OR2AG2: variants seen among roughly 807,000 people sequenced by gnomAD.
OR2AG2 encodes the protein olfactory receptor family 2 subfamily AG member 2.
For synonymous variants in OR2AG2, 167 were observed against 157.1 expected (o/e 1.06, Z -0.47); for missense variants, 390 against 391.9 (o/e 1.00, Z 0.04).
rs139961717 is a variant in OR2AG2 at position 6,768,517 on chromosome 11, T to C, written c.441A>G (p.Thr147=). ...CAATCAGGGATGCCAGGATCCAGGA[T>C]GTGGCCACCATGATCCAGCAGACTC... ...SPRVCWIMVA[T]SWILASLIAI... is the part of the protein sequence containing the mutation. Residue 147 remains threonine (T), a synonymous_variant, in exon 2 of 2, where the codon ACA becomes ACG. Transcript: ENST00000641124. 103 of 1,614,072 alleles carry C rather than the reference T, an allele frequency of 6.4e-5. No homozygotes were observed. In the African/African-American group the frequency reaches 1.2e-3, roughly 19 times the overall value.
intron 1 of OR2AG2, among the ~76,000 whole-genome samples, chr11:6,771,293 G>T (rs902107197): frequency 2.6e-5 from 4 of 152,200 alleles, no homozygotes; most frequent in Non-Finnish European, 5.9e-5. Flanking sequence ...CTCCTTTGAG[G>T]TACTATTCAT....
Position 6,766,063 on chromosome 11 carries a change from A to G in OR2AG2, c.*1944T>C, listed in dbSNP as rs1847371201. On this transcript the variant is annotated 3_prime_UTR_variant, in exon 2 of 2. Transcript: ENST00000641124. ...GCTTTTTACTATTTATCCATATAGC[A>G]GCCAAAATGTTTTAAGCACAGTTTA... The G allele has an allele frequency of 6.6e-6, 1 of 152,184 alleles. No homozygotes were observed. Among genetic ancestry groups the G allele is most frequent in the Non-Finnish European group, 1.5e-5 (1 of 68,012 alleles). 9.4% of individuals were successfully genotyped at this position (152,184 alleles called of 1,614,324 possible). A position where few individuals can be genotyped will look rare whatever the true frequency, so the allele number is the denominator to read the frequency against.
At position 6,767,720 on chromosome 11, in the gene OR2AG2, ACAGAGTGAGTCTACAAC is replaced by A; in HGVS notation, c.*270_*286del. 3 of 393,768 alleles carry A rather than the reference ACAGAGTGAGTCTACAAC, an allele frequency of 7.6e-6. No individual in the cohort carries two copies. Among genetic ancestry groups the A allele is most frequent in the Non-Finnish European group, 1.4e-5 (3 of 220,910 alleles). 24.4% of individuals were successfully genotyped at this position (393,768 alleles called of 1,614,324 possible). On this transcript the variant is annotated 3_prime_UTR_variant, in exon 2 of 2. Coordinates refer to ENST00000641124, the MANE Select transcript of OR2AG2 (RefSeq NM_001004490.2). ...GTAATGTGTCAGGACGATGCCTACCACAGAGTGAGTCTACAACACCCATTCAAGGCTTTTCCCCCATC... is the reference window on the plus strand; with the variant it reads ...GTAATGTGTCAGGACGATGCCTACCAACCCATTCAAGGCTTTTCCCCCATC...
rs201965759 is a variant in OR2AG2, at chr11:6,768,141, T to A, written c.817A>T (p.Ile273Phe). 3.1e-6 allele frequency: 5 copies of A among 1,614,146 alleles called. No individual in the cohort carries two copies. The East Asian group carries it at 8.9e-5, about 29-fold the overall frequency. ...SSFHSPKQDN[I>F]ISVFYTIVTP... is the part of the protein sequence containing the mutation. The stretch of plus-strand genomic sequence containing the variant: ...ACAATTGTGTAGAAAACAGAGATGA[T>A]GTTGTCTTGTTTGGGGCTGTGGAAG... Residue 273 changes from isoleucine to phenylalanine, a missense_variant, in exon 2 of 2, where the codon ATC becomes TTC. Ile to Phe is a conservative substitution (Grantham distance 21). Transcript: ENST00000641124.
In OR2AG2 at chr11:6,767,782, G is replaced by T; in HGVS notation, c.*225C>A. On this transcript the variant is annotated 3_prime_UTR_variant, in exon 2 of 2. Coordinates refer to ENST00000641124, the MANE Select transcript of OR2AG2 (RefSeq NM_001004490.2). ...CCCATCTGGTTATTTTTATAACATG[G>T]GTTTCCAAAGTCAGGATGATGTGTG... 2.0e-6 allele frequency: 1 copy of T among 511,406 alleles called. No individual in the cohort carries two copies. The highest frequency in any genetic ancestry group is 3.1e-5 in the East Asian group (1 of 32,302). 31.7% of individuals were successfully genotyped at this position (511,406 alleles called of 1,614,324 possible). A position where few individuals can be genotyped will look rare whatever the true frequency, so the allele number is the denominator to read the frequency against.
chr11:6,768,772 C>G lies in OR2AG2; in HGVS notation c.186G>C (p.Leu62=), dbSNP rs756172574. 1.9e-6 allele frequency: 3 copies of G among 1,614,084 alleles called. No individual in the cohort carries two copies. The highest frequency in any genetic ancestry group is 1.7e-5 in the Admixed American group (1 of 60,026). ...EARLHMPMYL[L]LGQLSLMDLL... Reference sequence around the variant, plus strand: ...GGTCCATGAGAGAGAGCTGCCCAAGCAGGAGGTACATGGGCATGTGGAGCC... The same window carrying G: ...GGTCCATGAGAGAGAGCTGCCCAAGGAGGAGGTACATGGGCATGTGGAGCC... The change falls in exon 2 of 2, where the codon CTG becomes CTC. Residue 62 remains leucine (L), a synonymous_variant. Coordinates refer to ENST00000641124, the MANE Select transcript of OR2AG2 (RefSeq NM_001004490.2).
In OR2AG2 at chr11:6,768,838, G is replaced by T. The variant is rs753840847; in HGVS notation, c.120C>A (p.Thr40=). 12 of 1,613,960 alleles carry T rather than the reference G, an allele frequency of 7.4e-6. No homozygotes were observed. In the African/African-American group the frequency reaches 1.6e-4, roughly 22 times the overall value. ...TGGCCAGGAGCAGCAGACCATTGCT[G>T]GTCAGTGCCAACATGTATAGGATTG... ...TFTILYMLAL[T]SNGLLLLAIT... The change falls in exon 2 of 2, where the codon ACC becomes ACA. Residue 40 remains threonine (T), a synonymous_variant. Transcript: ENST00000641124.
rs767892900 is a variant in OR2AG2 at position 6,768,583 on chromosome 11, G to A, written c.375C>T (p.Ala125=). 1.2e-6 allele frequency: 2 copies of A among 1,614,136 alleles called. No individual in the cohort carries two copies. The highest frequency in any genetic ancestry group is 1.1e-5 in the South Asian group (1 of 91,082). The change falls in exon 2 of 2, where the codon GCC becomes GCT. Residue 125 remains alanine, a synonymous_variant. Transcript: ENST00000641124. Reference sequence around the variant, plus strand: ...TCATGTATTTCAGAGGATGACAAATGGCCACATACCTGTCATAGGCCATGA... The same window carrying A: ...TCATGTATTTCAGAGGATGACAAATAGCCACATACCTGTCATAGGCCATGA... ...LAFMAYDRYV[A]ICHPLKYMTL... is the part of the protein sequence containing the mutation.
chr11:6,769,577 A>G (rs1012519572), intron 1 of OR2AG2, 83 bp from the exon 2 acceptor site: 2 of 152,466 alleles, frequency 1.3e-5, no homozygotes, highest in African/African-American at 4.8e-5. Context: ...AACAGTACAA[A>G]AGGTGTTTGC....
At position 6,768,321 on chromosome 11, in the gene OR2AG2, C is replaced by T. The variant is rs1334168720; in HGVS notation, c.637G>A (p.Ala213Thr). The change falls in exon 2 of 2, where the codon GCC becomes ACC. Residue 213 changes from alanine (A) to threonine (T), a missense_variant. Physicochemically the swap from Ala to Thr is moderately conservative, Grantham distance 58 (BLOSUM62 0). Transcript: ENST00000641124. ...ACTAGTGTGTAGGAGGCCACAATGG[C>T]AGAAATGGGGAGCAAGAGGAAAGTC... ...GVTFLLLPISAIVASYTLVLF... is the reference protein window; with the variant it reads ...GVTFLLLPISTIVASYTLVLF... The T allele has an allele frequency of 6.2e-7, 1 of 1,613,790 alleles. No homozygotes were observed. Among genetic ancestry groups the T allele is most frequent in the African/African-American group, 1.3e-5 (1 of 74,882 alleles).
intron 1 of OR2AG2, among the ~76,000 whole-genome samples, chr11:6,769,859 G>T (rs1847430990): frequency 6.6e-6 from 1 of 152,188 alleles, no homozygotes; most frequent in South Asian, 2.1e-4. Flanking sequence ...TAGCTCTGCT[G>T]CTAGGGGTTG....
intron 1 of OR2AG2, among the ~76,000 whole-genome samples, chr11:6,770,790 T>C (rs1234141830): frequency 1.3e-5 from 2 of 152,220 alleles, no homozygotes; most frequent in Admixed American, 6.5e-5. Context: ...CACATTCTTC[T>C]AGCTTCCTGC....
Position 6,769,076 on chromosome 11 carries a change from A to C in OR2AG2, c.-119T>G, listed in dbSNP as rs1847417420. ...GTGCATTGGCCAATAGGAATCCCATAATATGATATATTTTCCATTTCTTAG... is the reference window on the plus strand; with the variant it reads ...GTGCATTGGCCAATAGGAATCCCATCATATGATATATTTTCCATTTCTTAG... On this transcript the variant is annotated 5_prime_UTR_variant, in exon 2 of 2. In the 5' UTR this introduces an upstream ATG that the reference lacks. Coordinates refer to ENST00000641124, the MANE Select transcript of OR2AG2 (RefSeq NM_001004490.2). The C allele has an allele frequency of 1.6e-6, 1 of 634,572 alleles. No individual in the cohort carries two copies. The highest frequency in any genetic ancestry group is 1.8e-5 in the African/African-American group (1 of 54,712). The allele number at this position is 634,572 out of a possible 1,614,324, so 39.3% of individuals were successfully genotyped here.
chr11:6,768,413 G>A lies in OR2AG2; in HGVS notation c.545C>T (p.Pro182Leu), dbSNP rs760796195. ...WEIRHLLCEI[P>L]PLLKLACADT... The stretch of plus-strand genomic sequence containing the variant: ...AGCACAGGCCAACTTCAGCAAGGGT[G>A]GGATCTCACAGAGCAGATGCCTGAT... Residue 182 changes from proline to leucine, a missense_variant, in exon 2 of 2, where the codon CCA becomes CTA. Physicochemically the swap from Pro to Leu is moderately conservative, Grantham distance 98. Coordinates refer to ENST00000641124, the MANE Select transcript of OR2AG2 (RefSeq NM_001004490.2). The A allele has an allele frequency of 1.2e-6, 2 of 1,614,008 alleles. No individual in the cohort carries two copies. Among genetic ancestry groups the A allele is most frequent in the East Asian group, 4.5e-5 (2 of 44,884 alleles).
chr11:6,766,034 A>G lies in OR2AG2; in HGVS notation c.*1973T>C, dbSNP rs1320087862. 6.6e-6 allele frequency: 1 copy of G among 152,110 alleles called. No individual in the cohort carries two copies. The highest frequency in any genetic ancestry group is 1.9e-4 in the East Asian group (1 of 5,206). 9.4% of individuals were successfully genotyped at this position (152,110 alleles called of 1,614,324 possible). A position where few individuals can be genotyped will look rare whatever the true frequency, so the allele number is the denominator to read the frequency against. The stretch of plus-strand genomic sequence containing the variant: ...GAAATAATAAAATAAGATTTTTTAA[A>G]AAGGCTTTTTACTATTTATCCATAT... On this transcript the variant is annotated 3_prime_UTR_variant, in exon 2 of 2. Coordinates refer to ENST00000641124, the MANE Select transcript of OR2AG2 (RefSeq NM_001004490.2).
intron 1 of OR2AG2, among the ~76,000 whole-genome samples, chr11:6,770,812 G>A (rs773370609): frequency 1.3e-5 from 2 of 152,316 alleles, no homozygotes; most frequent in Non-Finnish European, 2.9e-5. Flanking sequence ...CCAGATGTTT[G>A]GACAGGATTT....
In OR2AG2 at chr11:6,768,905, A is replaced by G; in HGVS notation, c.53T>C (p.Leu18Pro). Reference protein sequence around the residue: ...LGSGFILVGILNDSGSPELLY... With the variant: ...LGSGFILVGIPNDSGSPELLY... Reference sequence around the variant, plus strand: ...CAGTTCAGGAGACCCACTGTCATTCAGAATCCCCACCAAGATGAAGCCGCT... The same window carrying G: ...CAGTTCAGGAGACCCACTGTCATTCGGAATCCCCACCAAGATGAAGCCGCT... Residue 18 changes from leucine (L) to proline (P), a missense_variant, in exon 2 of 2, where the codon CTG (leucine) becomes CCG (proline). Leu to Pro is a moderately conservative substitution (Grantham distance 98). Coordinates refer to ENST00000641124, the MANE Select transcript of OR2AG2 (RefSeq NM_001004490.2). The G allele has an allele frequency of 6.2e-7, 1 of 1,613,442 alleles. No homozygotes were observed. Among genetic ancestry groups the G allele is most frequent in the Non-Finnish European group, 8.5e-7 (1 of 1,179,444 alleles).
In OR2AG2 at chr11:6,768,876, A is replaced by C. The variant is rs1357723962; in HGVS notation, c.82T>G (p.Tyr28Asp). Reference protein sequence around the residue: ...LNDSGSPELLYATFTILYMLA... With the variant: ...LNDSGSPELLDATFTILYMLA... The stretch of plus-strand genomic sequence containing the variant: ...ATGTATAGGATTGTAAATGTAGCAT[A>C]GAGCAGTTCAGGAGACCCACTGTCA... Residue 28 changes from tyrosine (Y) to aspartate (D), a missense_variant, in exon 2 of 2, where the codon TAT becomes GAT. Coordinates refer to ENST00000641124, the MANE Select transcript of OR2AG2 (RefSeq NM_001004490.2). The C allele has an allele frequency of 6.2e-7, 1 of 1,614,088 alleles. No individual in the cohort carries two copies. Among genetic ancestry groups the C allele is most frequent in the East Asian group, 2.2e-5 (1 of 44,866 alleles).
intron 1 of OR2AG2, among the ~76,000 whole-genome samples, chr11:6,769,901 G>C (rs906370018): frequency 2.6e-5 from 4 of 152,146 alleles, no homozygotes; most frequent in Non-Finnish European, 5.9e-5. Context: ...GGTCCATGTG[G>C]GACAGCGTTC....
Sources: allele counts gnomAD v4.1 joint callset (sites outside exome capture counted in the v4.1 genomes callset), GRCh38; gene constraint gnomAD v4.1.1; transcripts MANE v1.5; gene names NCBI Gene and HGNC (gene_info 2026-07-23, HGNC 2026-07-21).